C6orf62: variants seen among roughly 807,000 people sequenced by gnomAD.
C6orf62 encodes the protein chromosome 6 open reading frame 62, also known as uncharacterized protein C6orf62.
Under a neutral mutation model 26.8 loss-of-function variants are expected in C6orf62, and 16 were observed. The ratio of observed to expected loss-of-function variants is 0.60; its 90% CI spans 0.40 to 0.91. The LOEUF is 0.91. C6orf62 is among the 40% of genes least tolerant of loss of function. The pLI is 0.00. For synonymous variants in C6orf62, 112 were observed against 91.5 expected (o/e 1.22, Z -1.28); for missense variants, 192 against 271.4 (o/e 0.71, Z 2.06).
chr6:24,708,610 T>C (rs1779060194), intron 4 of C6orf62, among the ~76,000 whole-genome samples, 167 bp downstream of exon 4: 1 of 152,186 alleles, frequency 6.6e-6, no homozygotes, highest in South Asian at 2.1e-4. Context: ...AGTGCTGGGA[T>C]TACAGGCATG....
Position 24,705,957 on chromosome 6 carries a change from T to C in C6orf62, c.*180A>G. The stretch of plus-strand genomic sequence containing the variant: ...ACAGTCCGTGCACGACATCTAATTT[T>C]TGTTTAAGTTCTGAGATAAAAATGA... On this transcript the variant is annotated 3_prime_UTR_variant, in exon 5 of 5. Coordinates refer to ENST00000378119, the MANE Select transcript of C6orf62 (RefSeq NM_030939.5). The C allele has an allele frequency of 3.4e-6, 3 of 871,152 alleles. No homozygotes were observed. The highest frequency in any genetic ancestry group is 3.3e-6 in the Non-Finnish European group (2 of 602,344). The allele number at this position is 871,152 out of a possible 1,614,324, so 54.0% of individuals were successfully genotyped here.
intron 3 of C6orf62, 79 bp downstream of exon 3, chr6:24,714,239 G>C (rs1166281849): frequency 1.8e-6 from 2 of 1,125,172 alleles, no homozygotes; most frequent in South Asian, 2.0e-5. Flanking sequence ...TTTTCCCAAA[G>C]AATTTCTCAA....
At chr6:24,720,232 G>A, upstream of C6orf62, 1 of 1,311,982 alleles carries the variant, frequency 7.6e-7, no homozygotes, top group African/African-American at 1.5e-5. Context: ...TCTAGGGCGG[G>A]GTTTGGGCCC....
intron 1 of C6orf62, among the ~76,000 whole-genome samples, chr6:24,717,955 A>G (rs2127636615): frequency 6.6e-6 from 1 of 152,352 alleles, no homozygotes. Flanking sequence ...AACTTCCTCT[A>G]GGTCATTTTG....
chr6:24,707,768 C>A (rs956796533), intron 4 of C6orf62, among the ~76,000 whole-genome samples: 1 of 151,922 alleles, frequency 6.6e-6, no homozygotes, highest in African/African-American at 2.4e-5. Flanking sequence ...CTTTGGTAGG[C>A]CAAGGCAGGC....
upstream of C6orf62, chr6:24,720,110 G>A (rs374395425): frequency 2.0e-5 from 28 of 1,409,032 alleles, 2 homozygotes; most frequent in South Asian, 2.5e-4. Flanking sequence ...TTAGGGTGGG[G>A]TCGTTAGTTG....
upstream of C6orf62, chr6:24,720,300 G>A (rs202020137): frequency 3.7e-5 from 47 of 1,277,588 alleles, no homozygotes; most frequent in South Asian, 1.2e-4. Flanking sequence ...GCGGCGGCGG[G>A]GGCGCTGCTG....
At chr6:24,717,548 C>T (rs548110429) in intron 1 of C6orf62, among the ~76,000 whole-genome samples, 2 of 152,322 alleles carry the variant, frequency 1.3e-5, no homozygotes, top group Admixed American at 1.3e-4. Context: ...AATCCCAGCA[C>T]TTTAAAATGC....
At chr6:24,716,830 T>A (rs576250169) in intron 1 of C6orf62, among the ~76,000 whole-genome samples, 1 of 152,148 alleles carries the variant, frequency 6.6e-6, no homozygotes, top group Admixed American at 6.5e-5. Context: ...TTCGAGGGGA[T>A]CTCCTGCCTC....
At chr6:24,709,325 C>G (rs891246633) in intron 3 of C6orf62, 96 of 985,272 alleles carry the variant, frequency 9.7e-5, no homozygotes, top group Middle Eastern at 1.0e-3. Context: ...CAAACCTACT[C>G]AGTCCAAGAC....
At chr6:24,710,545 T>C (rs1779100351) in intron 3 of C6orf62, 1 of 977,576 alleles carries the variant, frequency 1.0e-6, no homozygotes, top group Non-Finnish European at 1.2e-6. Flanking sequence ...ATTACAGGCG[T>C]GAGCAACCGC....
rs544826609 is a variant in C6orf62 at position 24,705,529 on chromosome 6, T to C, written c.*608A>G. The C allele has an allele frequency of 6.6e-6, 1 of 152,578 alleles. No homozygotes were observed. The highest frequency in any genetic ancestry group is 2.4e-5 in the African/African-American group (1 of 41,498). 9.5% of individuals were successfully genotyped at this position (152,578 alleles called of 1,614,324 possible). Reference sequence around the variant, plus strand: ...GATCTGGAAAAAAAAAATACATGAGTACCAGGAAACAAACATGGCCCAGTA... The same window carrying C: ...GATCTGGAAAAAAAAAATACATGAGCACCAGGAAACAAACATGGCCCAGTA... On this transcript the variant is annotated 3_prime_UTR_variant, in exon 5 of 5. Coordinates refer to ENST00000378119, the MANE Select transcript of C6orf62 (RefSeq NM_030939.5).
Position 24,704,934 on chromosome 6 carries a change from T to C in C6orf62, c.*1203A>G, listed in dbSNP as rs1778973890. 6.6e-6 allele frequency: 1 copy of C among 152,416 alleles called. No individual in the cohort carries two copies. The highest frequency in any genetic ancestry group is 1.5e-5 in the Non-Finnish European group (1 of 67,976). 9.4% of individuals were successfully genotyped at this position (152,416 alleles called of 1,614,324 possible). ...GGTTTTCTTTTTCTTTTTTTCTTTTTTTTTCAAATTCCAACCAGAAGCTAA... is the reference window on the plus strand; with the variant it reads ...GGTTTTCTTTTTCTTTTTTTCTTTTCTTTTCAAATTCCAACCAGAAGCTAA... On this transcript the variant is annotated 3_prime_UTR_variant, in exon 5 of 5. Transcript: ENST00000378119.
At position 24,718,961 on chromosome 6, in the gene C6orf62, C is replaced by T; in HGVS notation, c.-293G>A. 2 of 1,184,140 alleles carry T rather than the reference C, an allele frequency of 1.7e-6. No individual in the cohort carries two copies. Among genetic ancestry groups the T allele is most frequent in the South Asian group, 1.9e-5 (1 of 51,372 alleles). 73.4% of individuals were successfully genotyped at this position (1,184,140 alleles called of 1,614,324 possible). A position where few individuals can be genotyped will look rare whatever the true frequency, so the allele number is the denominator to read the frequency against. On this transcript the variant is annotated 5_prime_UTR_variant, in exon 1 of 5. Transcript: ENST00000378119. Reference sequence around the variant, plus strand: ...GAAAGAAAGAGGAGAAAATAACTAACTTTCTGGAAAACACATTTGGCTTAA... The same window carrying T: ...GAAAGAAAGAGGAGAAAATAACTAATTTTCTGGAAAACACATTTGGCTTAA...
intron 3 of C6orf62, chr6:24,709,519 A>G: frequency 1.0e-6 from 1 of 977,436 alleles, no homozygotes; most frequent in Non-Finnish European, 1.2e-6. Flanking sequence ...TCTATAAAAT[A>G]AGGCTGTAAC....
intron 3 of C6orf62, chr6:24,710,310 G>A (rs1396102263): frequency 1.1e-6 from 1 of 891,564 alleles, no homozygotes; most frequent in Non-Finnish European, 1.3e-6. Flanking sequence ...TTGTTGCCCA[G>A]GCTGGAGTGC....
At position 24,709,984 on chromosome 6, in the gene C6orf62, A is replaced by G. The variant is rs544389338; in HGVS notation, c.430-1073T>C. 159 of 985,146 alleles carry G rather than the reference A, an allele frequency of 1.6e-4. 1 individual carries two copies. In the African/African-American group the frequency reaches 2.7e-3, roughly 17 times the overall value. The allele number at this position is 985,146 out of a possible 1,614,324, so 61.0% of individuals were successfully genotyped here. A position where few individuals can be genotyped will look rare whatever the true frequency, so the allele number is the denominator to read the frequency against. On this transcript the variant is annotated intron_variant, in intron 3 of 4. Coordinates refer to ENST00000378119, the MANE Select transcript of C6orf62 (RefSeq NM_030939.5). Reference sequence around the variant, plus strand: ...TGCTATGTAGCATTTTATACCTAGGAGCTTTTCTTATAAACCGTAACATAA... The same window carrying G: ...TGCTATGTAGCATTTTATACCTAGGGGCTTTTCTTATAAACCGTAACATAA...
Position 24,705,314 on chromosome 6 carries a change from A to G in C6orf62, c.*823T>C. The G allele has an allele frequency of 6.6e-6, 1 of 152,516 alleles. No homozygotes were observed. Among genetic ancestry groups the G allele is most frequent in the East Asian group, 1.9e-4 (1 of 5,182 alleles). 9.4% of individuals were successfully genotyped at this position (152,516 alleles called of 1,614,324 possible). A position where few individuals can be genotyped will look rare whatever the true frequency, so the allele number is the denominator to read the frequency against. ...ATAAAAATCTCTTCTCTGTAAAACC[A>G]AAAACAAAACAAAACAAAACAAAAC... is the stretch of plus-strand genomic sequence containing the variant. On this transcript the variant is annotated 3_prime_UTR_variant, in exon 5 of 5. Transcript: ENST00000378119.
rs1322495041 is a variant in C6orf62 at position 24,714,407 on chromosome 6, T to A, written c.340A>T (p.Ile114Phe). The change falls in exon 3 of 5, where the codon ATT (isoleucine) becomes TTT (phenylalanine). Residue 114 changes from isoleucine to phenylalanine, a missense_variant. Coordinates refer to ENST00000378119, the MANE Select transcript of C6orf62 (RefSeq NM_030939.5). ...TCAATATCATTCCGAGGCCAAAGAA[T>A]GAAATCCATCTCCTGAGTACAGCCA... ...VIGCTQEMDF[I>F]LWPRNDIEKI... 1 of 1,609,778 alleles carries A rather than the reference T, an allele frequency of 6.2e-7. No homozygotes were observed. Among genetic ancestry groups the A allele is most frequent in the Non-Finnish European group, 8.5e-7 (1 of 1,177,660 alleles).
Sources: gnomAD v4.1 joint callset for allele counts (sites outside exome capture counted in the v4.1 genomes callset) on GRCh38, gnomAD v4.1.1 for gene constraint, MANE v1.5 for transcripts, NCBI Gene and HGNC (gene_info 2026-07-23, HGNC 2026-07-21) for gene names.